The following MAGI1 variants were observed in gnomAD, a reference collection of about 807,000 sequenced individuals.
The protein encoded by MAGI1 is membrane-associated guanylate kinase, WW and PDZ domain-containing protein 1.
Under a neutral mutation model 139.9 loss-of-function variants are expected in MAGI1, and 58 were observed. The observed-to-expected ratio is 0.41, with a 90% CI of 0.34 to 0.52. MAGI1 has a LOEUF of 0.52. Among genes scored for constraint, MAGI1 ranks in the 20% least tolerant of loss-of-function variants. The probability of loss-of-function intolerance (pLI) is 0.12; values close to 1 mark genes in which losing one functional copy is unlikely to be tolerated. For missense variants in MAGI1, 1,874 were observed against 1,901.6 expected (o/e 0.99, Z 0.27); for synonymous variants, 812 against 737.9 (o/e 1.10, Z -1.63).
At chr3:65,602,577 G>T (rs914024245) in intron 2 of MAGI1, among the ~76,000 whole-genome samples, 3 of 152,046 alleles carry the variant, frequency 2.0e-5, no homozygotes, top group African/African-American at 7.2e-5. Flanking sequence ...TGCATATAGG[G>T]TTTCTTTCTC....
chr3:65,751,158 C>G (rs931691), intron 1 of MAGI1, among the ~76,000 whole-genome samples: 123,534 of 151,832 alleles, frequency 0.81, 50,589 homozygotes, highest in East Asian at 0.91. Context: ...TGATTAAAAC[C>G]CTAAAACTAG....
chr3:65,453,015 T>A lies in MAGI1; in HGVS notation c.1042+243A>T, dbSNP rs140260026. 569 of 464,552 alleles carry A rather than the reference T, an allele frequency of 1.2e-3. 9 individuals carry two copies. The highest frequency in any genetic ancestry group is 9.6e-3 in the South Asian group (284 of 29,466). The allele number at this position is 464,552 out of a possible 1,614,324, so 28.8% of individuals were successfully genotyped here. A position where few individuals can be genotyped will look rare whatever the true frequency, so the allele number is the denominator to read the frequency against. ...GACGTATCTTCATTTGAACAGTTTCTGACTGTTCTGCTTCTAATGGAGATA... is the reference window on the plus strand; with the variant it reads ...GACGTATCTTCATTTGAACAGTTTCAGACTGTTCTGCTTCTAATGGAGATA... On this transcript the variant is annotated intron_variant, in intron 6 of 22. Coordinates refer to ENST00000402939, the MANE Select transcript of MAGI1 (RefSeq NM_001033057.2).
intron 1 of MAGI1, among the ~76,000 whole-genome samples, chr3:65,929,360 G>C (rs1271949970): frequency 7.9e-6 from 1 of 126,468 alleles, no homozygotes; most frequent in Non-Finnish European, 1.7e-5. Context: ...TTTTTTTTTT[G>C]AGACCGAGTC....
At chr3:65,691,699 A>G (rs2088670200) in intron 1 of MAGI1, among the ~76,000 whole-genome samples, 1 of 152,190 alleles carries the variant, frequency 6.6e-6, no homozygotes, top group African/African-American at 2.4e-5. Flanking sequence ...ACAGAATTTA[A>G]ATCTCACTAC....
chr3:65,538,342 T>C (rs1222610915), intron 2 of MAGI1, among the ~76,000 whole-genome samples: 1 of 152,166 alleles, frequency 6.6e-6, no homozygotes, highest in Admixed American at 6.5e-5. Flanking sequence ...TTAAGTGGCA[T>C]GGACTCAGGG....
At chr3:65,781,418 G>A (rs1559876519) in intron 1 of MAGI1, among the ~76,000 whole-genome samples, 1 of 152,090 alleles carries the variant, frequency 6.6e-6, no homozygotes, top group Non-Finnish European at 1.5e-5. Context: ...CCTTGATCAG[G>A]AAATGGATAG....
intron 1 of MAGI1, among the ~76,000 whole-genome samples, chr3:65,799,934 A>T (rs898419195): frequency 6.6e-6 from 1 of 152,246 alleles, no homozygotes; most frequent in African/African-American, 2.4e-5. Flanking sequence ...TAAAACAAGC[A>T]AGCATATTAT....
intron 1 of MAGI1, among the ~76,000 whole-genome samples, chr3:65,907,863 T>G (rs2061499709): frequency 6.6e-6 from 1 of 152,280 alleles, no homozygotes; most frequent in East Asian, 1.9e-4. Context: ...GTTCCCAGTA[T>G]CCATTTGCCT....
intron 2 of MAGI1, among the ~76,000 whole-genome samples, chr3:65,494,616 G>A (rs1171371276): frequency 6.6e-6 from 1 of 152,206 alleles, no homozygotes; most frequent in African/African-American, 2.4e-5. Flanking sequence ...ATTACCTGCG[G>A]TGGTGATTTA....
chr3:65,867,313 C>T (rs2108469348), intron 1 of MAGI1, among the ~76,000 whole-genome samples: 1 of 152,282 alleles, frequency 6.6e-6, no homozygotes, highest in Non-Finnish European at 1.5e-5. Context: ...GTCATTTGTC[C>T]AATTCCTGGC....
At chr3:65,766,470 G>A (rs992799314) in intron 1 of MAGI1, among the ~76,000 whole-genome samples, 2 of 152,110 alleles carry the variant, frequency 1.3e-5, no homozygotes, top group African/African-American at 4.8e-5. Context: ...CTCCATGTTG[G>A]TCAGGCTGGT....
At chr3:65,614,758 T>C (rs2083284358) in intron 2 of MAGI1, among the ~76,000 whole-genome samples, 1 of 152,036 alleles carries the variant, frequency 6.6e-6, no homozygotes, top group East Asian at 1.9e-4. Flanking sequence ...CTGCCCTGTC[T>C]AGTGCAGAAT....
chr3:65,933,683 C>CT, intron 1 of MAGI1, among the ~76,000 whole-genome samples: 1 of 152,078 alleles, frequency 6.6e-6, no homozygotes, highest in East Asian at 1.9e-4. Flanking sequence ...CTACAATTGG[C>CT]TAGATTAGGA....
intron 2 of MAGI1, among the ~76,000 whole-genome samples, chr3:65,602,616 T>C (rs921453659): frequency 6.6e-6 from 1 of 152,130 alleles, no homozygotes; most frequent in African/African-American, 2.4e-5. Flanking sequence ...TATAATTTTG[T>C]GGTGACAGTT....
chr3:65,624,308 AAT>A (rs796881238), intron 1 of MAGI1, among the ~76,000 whole-genome samples: 4 of 152,250 alleles, frequency 2.6e-5, no homozygotes, highest in African/African-American at 9.6e-5. Flanking sequence ...CAAAAAAAAA[AAT>A]CTCGTAGATG....
chr3:65,702,906 C>T (rs1449263853), intron 1 of MAGI1, among the ~76,000 whole-genome samples: 1 of 151,944 alleles, frequency 6.6e-6, no homozygotes, highest in Non-Finnish European at 1.5e-5. Context: ...TTGGGCTCAG[C>T]ATATGGTGGT....
At chr3:65,452,290 GT>G (rs1211358865) in intron 6 of MAGI1, among the ~76,000 whole-genome samples, 1 of 152,022 alleles carries the variant, frequency 6.6e-6, no homozygotes, top group African/African-American at 2.4e-5. Flanking sequence ...GGAGTGCAAG[GT>G]TTTCACAGTA....
chr3:65,569,107 G>C (rs2108058434), intron 2 of MAGI1, among the ~76,000 whole-genome samples: 1 of 152,304 alleles, frequency 6.6e-6, no homozygotes, highest in South Asian at 2.1e-4. Flanking sequence ...CCTTAAATAA[G>C]AATGAAGTTG....
At chr3:65,403,240 A>G (rs1390630747) in intron 12 of MAGI1, among the ~76,000 whole-genome samples, 1 of 152,154 alleles carries the variant, frequency 6.6e-6, no homozygotes, top group Admixed American at 6.5e-5. Flanking sequence ...AAATGTCTAC[A>G]CCTTTTCACC....
Sources: allele counts gnomAD v4.1 joint callset (sites outside exome capture counted in the v4.1 genomes callset), GRCh38; gene constraint gnomAD v4.1.1; transcripts MANE v1.5; gene names NCBI Gene and HGNC (gene_info 2026-07-23, HGNC 2026-07-21).